CHEK1: variants seen among roughly 807,000 people sequenced by gnomAD.
The protein encoded by CHEK1 is checkpoint kinase 1, also known as serine/threonine-protein kinase Chk1.
CHEK1 carries 32 observed loss-of-function variants against 60.2 expected under a neutral mutation model. The ratio of observed to expected loss-of-function variants is 0.53; its 90% CI spans 0.40 to 0.71. CHEK1 has a LOEUF of 0.71. Ranked by LOEUF, CHEK1 falls within the 30% of genes least tolerant of loss-of-function variation. The probability of loss-of-function intolerance (pLI) is 0.00; values close to 1 mark genes in which losing one functional copy is unlikely to be tolerated. For missense variants in CHEK1, 399 were observed against 564.6 expected, an observed-to-expected ratio of 0.71 and a Z score of 2.97; for synonymous variants, 179 against 187.2, an observed-to-expected ratio of 0.96 and a Z score of 0.36.
At chr11:125,641,840 T>C (rs1941316047) in intron 8 of CHEK1, among the ~76,000 whole-genome samples, 2 of 152,142 alleles carry the variant, frequency 1.3e-5, no homozygotes, top group Admixed American at 1.3e-4. Flanking sequence ...ATTACCATGA[T>C]ATCTTTCCAA....
At chr11:125,637,425 T>A (rs1351521989) in intron 7 of CHEK1, 24 bp from the exon 8 acceptor site, 3 of 1,579,276 alleles carry the variant, frequency 1.9e-6, no homozygotes, top group Non-Finnish European at 2.6e-6. Flanking sequence ...CTTTCGTGAA[T>A]GTTGTCGTAA....
intron 11 of CHEK1, among the ~76,000 whole-genome samples, chr11:125,650,734 AT>A (rs975650724): frequency 6.6e-6 from 1 of 151,296 alleles, no homozygotes; most frequent in Non-Finnish European, 1.5e-5. Context: ...GGCCCTAGTG[AT>A]TTTTCTTATA....
downstream of CHEK1, among the ~76,000 whole-genome samples, chr11:125,680,011 G>A (rs1361174883): frequency 1.3e-5 from 2 of 152,224 alleles, no homozygotes; most frequent in Non-Finnish European, 2.9e-5. Flanking sequence ...TATAGTTTAT[G>A]ACTCGTGTCA....
intron 11 of CHEK1, among the ~76,000 whole-genome samples, chr11:125,645,736 A>T (rs1291649260): frequency 6.6e-6 from 1 of 152,218 alleles, no homozygotes; most frequent in African/African-American, 2.4e-5. Context: ...CTTAAAATTT[A>T]AAAAAATAAA....
In CHEK1 at chr11:125,672,756, C is replaced by T. The variant is rs540870844; in HGVS notation, c.*28-3172C>T. The T allele has an allele frequency of 9.7e-5, 156 of 1,611,368 alleles. 1 individual carries two copies. In the South Asian group the frequency reaches 1.4e-3, roughly 15 times the overall value. On this transcript the variant is annotated intron_variant, in intron 13 of 13. Transcript: ENST00000428830. ...AGACAGACTAGTGAGCAGAAAGCTT[C>T]GTCCTCCAACCTTAGCCTTTATCTG...
chr11:125,649,045 G>A lies in CHEK1; in HGVS notation c.1233+4402G>A, dbSNP rs575608117. 2.5e-3 allele frequency among the ~76,000 whole-genome samples: 377 copies of A among 152,190 alleles called. 3 individuals are homozygous for A. Among genetic ancestry groups the A allele is most frequent in the African/African-American group, 8.6e-3 (356 of 41,518 alleles). On this transcript the variant is annotated intron_variant, in intron 11 of 12. Coordinates refer to ENST00000438015, the MANE Select transcript of CHEK1 (RefSeq NM_001114122.3). ...TTTACCAGGCTGGCCTTGACCTTCT[G>A]GGCTCAAGTGATCCTCCTGAGTAGT...
chr11:125,650,348 A>G (rs1941668998), intron 11 of CHEK1, among the ~76,000 whole-genome samples: 1 of 151,674 alleles, frequency 6.6e-6, no homozygotes. Flanking sequence ...TTTTTGTTGA[A>G]AACTGGACAT....
Position 125,653,652 on chromosome 11 carries a change from T to C in CHEK1, c.1234-94T>C. 1 of 684,142 alleles carries C rather than the reference T, an allele frequency of 1.5e-6. No individual in the cohort carries two copies. The highest frequency in any genetic ancestry group is 2.5e-6 in the Non-Finnish European group (1 of 394,320). The allele number at this position is 684,142 out of a possible 1,614,324, so 42.4% of individuals were successfully genotyped here. ...AACATATAGGTAGTTTTATTTGTAG[T>C]TTTTTGAGAAACTTCTATTCTGTTC... On this transcript the variant is annotated intron_variant, in intron 11 of 12. Coordinates refer to ENST00000438015, the MANE Select transcript of CHEK1 (RefSeq NM_001114122.3). This position sits in a 1 kb window ranked among gnomAD's most constrained non-coding sequence, Gnocchi z 4.3.
At chr11:125,628,972 G>T (rs539620995) in intron 3 of CHEK1, among the ~76,000 whole-genome samples, 1 of 152,268 alleles carries the variant, frequency 6.6e-6, no homozygotes, top group Admixed American at 6.5e-5. Flanking sequence ...GGAAGCAGAG[G>T]CTTTGAAGTC....
At chr11:125,648,397 A>AC (rs1941579871) in intron 11 of CHEK1, among the ~76,000 whole-genome samples, 1 of 152,146 alleles carries the variant, frequency 6.6e-6, no homozygotes, top group Non-Finnish European at 1.5e-5. Context: ...CCTGGCCCAC[A>AC]TAGTGAAACC....
At chr11:125,676,509 T>G (rs777882971), downstream of CHEK1, 2 of 1,613,624 alleles carry the variant, frequency 1.2e-6, no homozygotes, top group Admixed American at 3.3e-5. Flanking sequence ...TGATGACATT[T>G]CCTTGTGGAC....
At chr11:125,673,819 C>T (rs1028930786) in intron 13 of CHEK1, among the ~76,000 whole-genome samples, 8 of 152,150 alleles carry the variant, frequency 5.3e-5, no homozygotes, top group Non-Finnish European at 1.0e-4. Context: ...GAAGGTCTGT[C>T]AGTTCTACTT....
At chr11:125,630,197 A>G (rs1940810013) in intron 5 of CHEK1, among the ~76,000 whole-genome samples, 2 of 152,338 alleles carry the variant, frequency 1.3e-5, no homozygotes, top group African/African-American at 2.4e-5. Flanking sequence ...GGATAGCGAA[A>G]GCTTTAAGCT....
downstream of CHEK1, among the ~76,000 whole-genome samples, chr11:125,661,745 T>G (rs1364892414): frequency 2.0e-5 from 3 of 152,316 alleles, no homozygotes; most frequent in Non-Finnish European, 4.4e-5. Context: ...CAGTCTCTTG[T>G]CCTCTTTCTG....
At chr11:125,672,765 A>G (rs1286262095) in intron 13 of CHEK1, 2 of 1,608,572 alleles carry the variant, frequency 1.2e-6, no homozygotes, top group Non-Finnish European at 1.7e-6. Context: ...TCGTCCTCCA[A>G]CCTTAGCCTT....
chr11:125,636,795 A>G (rs901175673), intron 7 of CHEK1, among the ~76,000 whole-genome samples: 3 of 150,120 alleles, frequency 2.0e-5, no homozygotes, highest in African/African-American at 7.4e-5. Context: ...ATTTATTTTC[A>G]TTTTGTTTTG....
intron 11 of CHEK1, among the ~76,000 whole-genome samples, chr11:125,645,044 G>A (rs1158548250): frequency 6.6e-6 from 1 of 152,070 alleles, no homozygotes; most frequent in African/African-American, 2.4e-5. Flanking sequence ...AAAGTAATTA[G>A]TTAATTTGAA....
intron 2 of CHEK1, among the ~76,000 whole-genome samples, chr11:125,627,377 A>G (rs1249600454): frequency 6.6e-6 from 1 of 152,236 alleles, no homozygotes; most frequent in East Asian, 1.9e-4. Flanking sequence ...TGAAGCGTTT[A>G]TTAAATGACT....
In CHEK1 at chr11:125,626,010, C is replaced by T; in HGVS notation, c.-23C>T. On this transcript the variant is annotated splice_region_variant and 5_prime_UTR_variant, in exon 1 of 13. Transcript: ENST00000438015. ...CCTGCAGTGGTGGGCAAAGGACAGT[C>T]CGGTGAGGAAGGGCGGCCGGTAGAG... The T allele has an allele frequency of 1.4e-6, 1 of 697,840 alleles. No homozygotes were observed. 43.2% of individuals were successfully genotyped at this position (697,840 alleles called of 1,614,324 possible). A position where few individuals can be genotyped will look rare whatever the true frequency, so the allele number is the denominator to read the frequency against.
Sources: gnomAD v4.1 joint callset for allele counts (sites outside exome capture counted in the v4.1 genomes callset) on GRCh38, gnomAD v4.1.1 for gene constraint, Gnocchi (gnomAD v3.1) non-coding constraint, MANE v1.5 for transcripts, NCBI Gene and HGNC (gene_info 2026-07-23, HGNC 2026-07-21) for gene names.